GRIN2C: variants seen among roughly 807,000 people sequenced by gnomAD.
GRIN2C encodes the protein glutamate receptor ionotropic, NMDA 2C.
GRIN2C carries 64 observed loss-of-function variants against 77.7 expected under a neutral mutation model. The observed-to-expected ratio is 0.82, with a 90% confidence interval of 0.67 to 1.01. GRIN2C has a LOEUF of 1.01. GRIN2C is among the 50% of genes least tolerant of loss of function. The pLI is 0.00. For missense variants in GRIN2C, 1,549 were observed against 1,486.0 expected, an observed-to-expected ratio of 1.04 and a Z score of -0.70; for synonymous variants, 792 against 643.4, an observed-to-expected ratio of 1.23 and a Z score of -3.49.
At chr17:74,856,197 A>G (rs1374246181) in intron 1 of GRIN2C, among the ~76,000 whole-genome samples, 1 of 152,220 alleles carries the variant, frequency 6.6e-6, no homozygotes. Flanking sequence ...GCCATCGGCC[A>G]TGGCACTGCC....
Position 74,852,591 on chromosome 17 carries a change from C to A in GRIN2C, c.420G>T (p.Leu140=). 1 of 1,429,410 alleles carries A rather than the reference C, an allele frequency of 7.0e-7. No homozygotes were observed. 88.5% of individuals were successfully genotyped at this position (1,429,410 alleles called of 1,614,324 possible). A position where few individuals can be genotyped will look rare whatever the true frequency, so the allele number is the denominator to read the frequency against. The change falls in exon 3 of 13, where the codon CTG becomes CTT. Residue 140 remains leucine, a synonymous_variant. Coordinates refer to ENST00000293190, the MANE Select transcript of GRIN2C (RefSeq NM_000835.6). Reference sequence around the variant, plus strand: ...GCTGCTCCAGGGACACGCCCAGCTGCAGGAAGGCGGAGCCCGGCTCCTGGG... The same window carrying A: ...GCTGCTCCAGGGACACGCCCAGCTGAAGGAAGGCGGAGCCCGGCTCCTGGG... ...LTPKEPGSAF[L]QLGVSLEQQL...
At chr17:74,848,257 C>G (rs538922917) in intron 7 of GRIN2C, among the ~76,000 whole-genome samples, 148 of 152,320 alleles carry the variant, frequency 9.7e-4, no homozygotes, top group African/African-American at 3.5e-3. Context: ...TTCACAACCC[C>G]TGCCTGGCCC....
rs769321960 is a variant in GRIN2C, at chr17:74,844,265, T to C, written c.2583+11A>G. On this transcript the variant is annotated intron_variant, in intron 12 of 12. Transcript: ENST00000293190. ...AAACTTTGGCCTGTGTGGGGAGGGG[T>C]GGGCACCCACCCTGCTGAAAGCCAG... 1 of 1,612,846 alleles carries C rather than the reference T, an allele frequency of 6.2e-7. No individual in the cohort carries two copies. Among genetic ancestry groups the C allele is most frequent in the Non-Finnish European group, 8.5e-7 (1 of 1,179,360 alleles).
chr17:74,861,060 C>T (rs919037352), upstream of GRIN2C, among the ~76,000 whole-genome samples: 2 of 152,198 alleles, frequency 1.3e-5, no homozygotes, highest in Non-Finnish European at 2.9e-5. Flanking sequence ...CAGTTTGGGT[C>T]CGCGGCAGCC....
Position 74,852,328 on chromosome 17 carries a change from C to A in GRIN2C, c.683G>T (p.Cys228Phe). The A allele has an allele frequency of 2.1e-6, 3 of 1,457,146 alleles. No homozygotes were observed. Among genetic ancestry groups the A allele is most frequent in the Non-Finnish European group, 2.7e-6 (3 of 1,111,968 alleles). 90.3% of individuals were successfully genotyped at this position (1,457,146 alleles called of 1,614,324 possible). Residue 228 changes from cysteine to phenylalanine, a missense_variant, in exon 3 of 13, where the codon TGC (cysteine) becomes TTC (phenylalanine). By Grantham distance (205) the Cys-to-Phe change is radical. Coordinates refer to ENST00000293190, the MANE Select transcript of GRIN2C (RefSeq NM_000835.6). ...QLDAPVFVAY[C>F]SREEAEVLFA... ...GAGCACCTCGGCCTCCTCGCGCGAG[C>A]AGTAGGCCACAAACACGGGCGCGTC... is the stretch of plus-strand genomic sequence containing the variant.
chr17:74,857,951 G>A (rs553524423), intron 1 of GRIN2C, among the ~76,000 whole-genome samples: 13 of 152,170 alleles, frequency 8.5e-5, no homozygotes, highest in South Asian at 2.1e-4. Flanking sequence ...TAAAATTAAC[G>A]TCACCTGTTT....
chr17:74,847,782 C>T lies in GRIN2C; in HGVS notation c.1771+70G>A. 2 of 1,539,706 alleles carry T rather than the reference C, an allele frequency of 1.3e-6. No homozygotes were observed. The highest frequency in any genetic ancestry group is 1.7e-5 in the Admixed American group (1 of 58,158). ...CTCCCAAAGGTATTCTCTGAAGGAC[C>T]CGTTGCCCCTGAGCCCAGCCCTCAG... On this transcript the variant is annotated intron_variant, in intron 8 of 12. Transcript: ENST00000293190. The surrounding 1 kb of genome is among the most constrained non-coding windows in gnomAD (Gnocchi z 5.2).
chr17:74,851,158 G>A (rs1264799594), intron 4 of GRIN2C: 3 of 318,262 alleles, frequency 9.4e-6, no homozygotes. Context: ...CCCATCTTCT[G>A]GGACCTCTTT....
At position 74,854,931 on chromosome 17, in the gene GRIN2C, G is replaced by C; in HGVS notation, c.162C>G (p.Ser54Arg). 1 of 1,613,644 alleles carries C rather than the reference G, an allele frequency of 6.2e-7. No individual in the cohort carries two copies. The change falls in exon 2 of 13, where the codon AGC becomes AGG. Residue 54 changes from serine to arginine, a missense_variant. By Grantham distance (110) the Ser-to-Arg change is moderately radical. Coordinates refer to ENST00000293190, the MANE Select transcript of GRIN2C (RefSeq NM_000835.6). The part of the protein sequence containing the change: ...AQFRARLTPQ[S>R]FLDLPLEIQP... ...GGATCTCCAGGGGTAGGTCCAGGAA[G>C]CTCTGGGGGGTGAGGCGGGCACGGA...
Position 74,846,266 on chromosome 17 carries a change from T to G in GRIN2C, c.2163-13A>C. 1 of 1,613,198 alleles carries G rather than the reference T, an allele frequency of 6.2e-7. No individual in the cohort carries two copies. Among genetic ancestry groups the G allele is most frequent in the East Asian group, 2.2e-5 (1 of 44,864 alleles). On this transcript the variant is annotated splice_polypyrimidine_tract_variant and intron_variant, in intron 10 of 12. Coordinates refer to ENST00000293190, the MANE Select transcript of GRIN2C (RefSeq NM_000835.6). The surrounding 1 kb of genome is among the most constrained non-coding windows in gnomAD (Gnocchi z 4.4). ...GGCATCCAGCTTCCTGGGGACAGGC[T>G]GAGCCTCAGAGCTAGGGACCATATG...
At position 74,846,978 on chromosome 17, in the gene GRIN2C, A is replaced by T; in HGVS notation, c.2002-58T>A. The stretch of plus-strand genomic sequence containing the variant: ...CTTCCTCCAGCCTTCCAGGCACCAA[A>T]GCCCCAAACCCACCCCAGAGCCCAG... On this transcript the variant is annotated intron_variant, in intron 9 of 12. Transcript: ENST00000293190. This position sits in a 1 kb window ranked among gnomAD's most constrained non-coding sequence, Gnocchi z 4.4. 1 of 1,556,692 alleles carries T rather than the reference A, an allele frequency of 6.4e-7. No homozygotes were observed. The highest frequency in any genetic ancestry group is 8.7e-7 in the Non-Finnish European group (1 of 1,148,026).
Position 74,844,298 on chromosome 17 carries a change from T to C in GRIN2C, c.2561A>G (p.Asp854Gly). Residue 854 changes from aspartate to glycine, a missense_variant, in exon 12 of 13, where the codon GAC (aspartate) becomes GGC (glycine). Asp to Gly is a moderately conservative substitution (Grantham distance 94, BLOSUM62 -1). Coordinates refer to ENST00000293190, the MANE Select transcript of GRIN2C (RefSeq NM_000835.6). ...RHSVPNSSQL[D>G]FLLAFSRGIY... ...CACCCTGCTGAAAGCCAGCAGGAAGTCCAGCTGGGATGAGTTGGGCACCGA... is the reference window on the plus strand; with the variant it reads ...CACCCTGCTGAAAGCCAGCAGGAAGCCCAGCTGGGATGAGTTGGGCACCGA... 14 of 1,613,888 alleles carry C rather than the reference T, an allele frequency of 8.7e-6. No homozygotes were observed. Among genetic ancestry groups the C allele is most frequent in the Non-Finnish European group, 1.2e-5 (14 of 1,179,890 alleles).
chr17:74,855,467 A>G (rs1213208542), intron 1 of GRIN2C, among the ~76,000 whole-genome samples: 2 of 152,180 alleles, frequency 1.3e-5, no homozygotes, highest in African/African-American at 4.8e-5. Flanking sequence ...CATGGATTTG[A>G]GTCAGACAGA....
Position 74,843,473 on chromosome 17 carries a change from C to T in GRIN2C, c.2664G>A (p.Ser888=), listed in dbSNP as rs372909995. The T allele has an allele frequency of 1.2e-5, 18 of 1,534,228 alleles. No individual in the cohort carries two copies. The East Asian group carries it at 2.0e-4, about 17-fold the overall frequency. The change falls in exon 13 of 13, where the codon TCG becomes TCA. Residue 888 remains serine (S), a synonymous_variant. Transcript: ENST00000293190. ...GCATCTTGAGCACGCTGGCCTGGGCCGAGCTGGCCGTGAGGTCCGGGCTGG... is the reference window on the plus strand; with the variant it reads ...GCATCTTGAGCACGCTGGCCTGGGCTGAGCTGGCCGTGAGGTCCGGGCTGG... ...RQASPDLTAS[S]AQASVLKMLQ...
In GRIN2C at chr17:74,847,850, A is replaced by ACTCTTGC; in HGVS notation, c.1766_1771+1dup. On this transcript the variant is annotated splice_donor_variant, in intron 8 of 12. Transcript: ENST00000293190. LOFTEE classifies it high-confidence loss of function. The surrounding 1 kb of genome is among the most constrained non-coding windows in gnomAD (Gnocchi z 5.2). ...CTCCTGCCGGGCCCAGGCAAGGCTT[A>ACTCTTGC]CTCTTGCCTCTGGTGAGGTTCTGGT... is the stretch of plus-strand genomic sequence containing the variant. The ACTCTTGC allele has an allele frequency of 6.2e-7, 1 of 1,613,682 alleles. No homozygotes were observed.
chr17:74,842,693 G>T lies in GRIN2C; in HGVS notation c.3444C>A (p.His1148Gln), dbSNP rs555170789. The change falls in exon 13 of 13, where the codon CAC becomes CAA. Residue 1148 changes from histidine to glutamine, a missense_variant. By Grantham distance (24) the His-to-Gln change is conservative. Transcript: ENST00000293190. ...AGAPAWQHRQHVCLHAHAHLP... is the reference protein window; with the variant it reads ...AGAPAWQHRQQVCLHAHAHLP... ...GGTGGGCGTGGGCGTGCAGGCAGAC[G>T]TGCTGTCTGTGCTGCCAGGCGGGGG... 3 of 722,488 alleles carry T rather than the reference G, an allele frequency of 4.2e-6. No homozygotes were observed. The highest frequency in any genetic ancestry group is 7.7e-6 in the Non-Finnish European group (3 of 388,746). The allele number at this position is 722,488 out of a possible 1,614,324, so 44.8% of individuals were successfully genotyped here. A position where few individuals can be genotyped will look rare whatever the true frequency, so the allele number is the denominator to read the frequency against.
rs1050405812 is a variant in GRIN2C at position 74,842,876 on chromosome 17, G to C, written c.3261C>G (p.Ala1087=). ...PRHASLPSSV[A]EAFARPSSLP... is the part of the protein sequence containing the mutation. The stretch of plus-strand genomic sequence containing the variant: ...GCGAGCTGGGCCGAGCGAAGGCCTC[G>C]GCCACGGAGCTGGGCAGGGAAGCGT... Residue 1087 remains alanine, a synonymous_variant, in exon 13 of 13, where the codon GCC becomes GCG. Transcript: ENST00000293190. The C allele has an allele frequency of 1.4e-5, 8 of 564,518 alleles. No individual in the cohort carries two copies. Among genetic ancestry groups the C allele is most frequent in the African/African-American group, 1.0e-4 (5 of 49,664 alleles). The allele number at this position is 564,518 out of a possible 1,614,324, so 35.0% of individuals were successfully genotyped here. A position where few individuals can be genotyped will look rare whatever the true frequency, so the allele number is the denominator to read the frequency against.
chr17:74,857,448 G>A (rs1268381616), intron 1 of GRIN2C, among the ~76,000 whole-genome samples: 1 of 152,194 alleles, frequency 6.6e-6, no homozygotes, highest in African/African-American at 2.4e-5. Flanking sequence ...CAGTGACACA[G>A]AAGTGACAGA....
In GRIN2C at chr17:74,850,279, TAGG is replaced by T; in HGVS notation, c.1415_1417del (p.Ser472del). ...GCCGTTGGTCACCAGGTACAGGTCG[TAGG>T]AGAATTTGACCACTCTGGCCAGCTT... On this transcript the variant is annotated inframe_deletion, in exon 6 of 13. Coordinates refer to ENST00000293190, the MANE Select transcript of GRIN2C (RefSeq NM_000835.6). The surrounding 1 kb of genome is among the most constrained non-coding windows in gnomAD (Gnocchi z 5.3). The T allele has an allele frequency of 6.2e-7, 1 of 1,613,770 alleles. No homozygotes were observed. The highest frequency in any genetic ancestry group is 8.5e-7 in the Non-Finnish European group (1 of 1,179,944).
Sources: allele counts gnomAD v4.1 joint callset (sites outside exome capture counted in the v4.1 genomes callset), GRCh38; gene constraint gnomAD v4.1.1; non-coding constraint Gnocchi (gnomAD v3.1); transcripts MANE v1.5; gene names NCBI Gene and HGNC (gene_info 2026-07-23, HGNC 2026-07-21).